Variants in MIA2 observed in about 807,000 individuals in gnomAD.
MIA2 encodes the protein MIA SH3 domain ER export factor 2, also known as melanoma inhibitory activity protein 2.
In MIA2, 127 loss-of-function variants were observed where a neutral mutation model predicts 167.8. The ratio of observed to expected loss-of-function variants is 0.76; its 90% confidence interval spans 0.66 to 0.88. The LOEUF (loss-of-function observed/expected upper bound fraction) is 0.88, where lower values mean the gene tolerates loss of function less well. Among genes scored for constraint, MIA2 ranks in the 40% least tolerant of loss-of-function variants. The pLI is 0.00. For synonymous variants in MIA2, 552 were observed against 541.9 expected (o/e 1.02, Z -0.26); for missense variants, 1,690 against 1,624.7 (o/e 1.04, Z -0.69).
intron 6 of MIA2, among the ~76,000 whole-genome samples, chr14:39,269,451 T>G (rs1376371270): frequency 2.0e-5 from 3 of 152,126 alleles, no homozygotes; most frequent in Non-Finnish European, 2.9e-5. Context: ...TTGTCTGGCT[T>G]CTTTTACTTA....
intron 9 of MIA2, among the ~76,000 whole-genome samples, chr14:39,286,329 C>T (rs1421430656): frequency 6.6e-6 from 1 of 151,872 alleles, no homozygotes; most frequent in Non-Finnish European, 1.5e-5. Context: ...CCTGCAATTG[C>T]AGGCACTCGG....
intron 13 of MIA2, among the ~76,000 whole-genome samples, chr14:39,296,414 G>A (rs1322248307): frequency 6.6e-6 from 1 of 151,074 alleles, no homozygotes; most frequent in Non-Finnish European, 1.5e-5. Context: ...TCAGATAATT[G>A]GTCATTTTTG....
intron 25 of MIA2, among the ~76,000 whole-genome samples, chr14:39,328,703 C>T (rs7158461): frequency 0.01 from 1,583 of 152,218 alleles, 35 homozygotes; most frequent in African/African-American, 0.036. Context: ...TTTTTCCGAA[C>T]GCAATTTATT....
chr14:39,294,802 C>T (rs1176298912), intron 12 of MIA2, 123 bp from the exon 13 acceptor site: 8 of 694,290 alleles, frequency 1.2e-5, no homozygotes, highest in Non-Finnish European at 1.8e-5. Context: ...CACCATGCTG[C>T]CTCTGCTGTT....
At chr14:39,319,351 G>C (rs1217292618) in intron 23 of MIA2, 60 bp downstream of exon 23, 1 of 754,752 alleles carries the variant, frequency 1.3e-6, no homozygotes, top group Admixed American at 3.4e-5. Flanking sequence ...TATATATATT[G>C]CACATATAGT....
intron 4 of MIA2, among the ~76,000 whole-genome samples, chr14:39,248,902 C>T (rs905123228): frequency 1.6e-4 from 25 of 151,962 alleles, no homozygotes; most frequent in Admixed American, 8.5e-4. Context: ...AACACAGCCG[C>T]TAATTTTTGT....
intron 23 of MIA2, among the ~76,000 whole-genome samples, chr14:39,375,909 T>C (rs950351498): frequency 7.2e-5 from 11 of 152,242 alleles, no homozygotes; most frequent in African/African-American, 2.4e-4. Flanking sequence ...TTTAGTTATA[T>C]AGTTATCTTT....
chr14:39,381,667 GTT>G (rs398057014), intron 23 of MIA2, among the ~76,000 whole-genome samples: 3 of 145,318 alleles, frequency 2.1e-5, no homozygotes, highest in African/African-American at 7.6e-5. Flanking sequence ...TTTGCTGGCT[GTT>G]TTTTTTTTTC....
At chr14:39,266,926 A>C (rs1164123610) in intron 6 of MIA2, 1 of 643,328 alleles carries the variant, frequency 1.6e-6, no homozygotes, top group East Asian at 1.4e-4. Flanking sequence ...TGCCCTTGGG[A>C]CATAGCCCTG....
intron 25 of MIA2, among the ~76,000 whole-genome samples, chr14:39,331,476 G>T (rs1240280161): frequency 6.6e-6 from 1 of 152,154 alleles, no homozygotes; most frequent in Non-Finnish European, 1.5e-5. Context: ...ATATTGTTAT[G>T]TGTGAATTTG....
intron 2 of MIA2, 105 bp from the exon 3 acceptor site, chr14:39,240,456 G>A (rs966582774): frequency 2.5e-5 from 16 of 651,474 alleles, no homozygotes; most frequent in Admixed American, 2.0e-4. Flanking sequence ...TAATGTTTGC[G>A]ATTCAGAGTA....
chr14:39,241,208 G>T (rs896384595), intron 3 of MIA2, among the ~76,000 whole-genome samples: 6 of 152,052 alleles, frequency 3.9e-5, no homozygotes, highest in Non-Finnish European at 8.8e-5. Flanking sequence ...GATAATGTTG[G>T]GCTTCAAGGG....
intron 25 of MIA2, among the ~76,000 whole-genome samples, chr14:39,344,337 T>C (rs1246631214): frequency 6.6e-6 from 1 of 152,210 alleles, no homozygotes; most frequent in Non-Finnish European, 1.5e-5. Context: ...ACCATTTAAT[T>C]AATCCTTTGT....
chr14:39,322,849 T>C lies in MIA2; in HGVS notation c.3496+1793T>C, dbSNP rs2066726873. 2.0e-5 allele frequency among the ~76,000 whole-genome samples: 3 copies of C among 152,240 alleles called. No homozygotes were observed. In the South Asian group the frequency reaches 6.2e-4, roughly 31 times the overall value. ...TCTTACATTTTCAGTTCCAAGTATG[T>C]GTTTTATAAGAGCTGATGGCATTCT... On this transcript the variant is annotated intron_variant, in intron 24 of 28. Transcript: ENST00000640607.
intron 23 of MIA2, among the ~76,000 whole-genome samples, chr14:39,357,179 G>A (rs551468627): frequency 1.3e-5 from 2 of 152,266 alleles, no homozygotes; most frequent in South Asian, 4.1e-4. Flanking sequence ...ATTATTTTGT[G>A]GGAGTCTTAG....
intron 23 of MIA2, among the ~76,000 whole-genome samples, chr14:39,374,056 G>A (rs1396562236): frequency 2.1e-5 from 3 of 140,110 alleles, no homozygotes; most frequent in Non-Finnish European, 4.8e-5. Flanking sequence ...AATTACCAGA[G>A]TATGTTAACA....
At chr14:39,267,571 C>A (rs2056125408) in intron 6 of MIA2, 1 of 1,602,552 alleles carries the variant, frequency 6.2e-7, no homozygotes, top group South Asian at 1.1e-5. Context: ...TCGCGGGAGC[C>A]GCCGGGGGAA....
At chr14:39,291,929 C>G (rs1377519226) in intron 10 of MIA2, among the ~76,000 whole-genome samples, 1 of 152,160 alleles carries the variant, frequency 6.6e-6, no homozygotes. Context: ...GATACTAAAA[C>G]AGAAAACAGT....
intron 23 of MIA2, among the ~76,000 whole-genome samples, chr14:39,366,502 G>C (rs1477077427): frequency 1.3e-5 from 2 of 152,188 alleles, no homozygotes; most frequent in Non-Finnish European, 2.9e-5. Context: ...AGGCCCTCAG[G>C]GCACGTGCCA....
Sources: gnomAD v4.1 joint callset for allele counts (sites outside exome capture counted in the v4.1 genomes callset) on GRCh38, gnomAD v4.1.1 for gene constraint, MANE v1.5 for transcripts, NCBI Gene and HGNC (gene_info 2026-07-23, HGNC 2026-07-21) for gene names.